Variants in RB1CC1 observed in about 807,000 individuals in gnomAD.
RB1CC1 encodes RB1-inducible coiled-coil protein 1.
In RB1CC1, 46 loss-of-function variants were observed where a neutral mutation model predicts 177.5. The observed-to-expected ratio is 0.26, with a 90% confidence interval of 0.20 to 0.33. The LOEUF (loss-of-function observed/expected upper bound fraction) is 0.33, where lower values mean the gene tolerates loss of function less well. Ranked by LOEUF, RB1CC1 falls within the 10% of genes least tolerant of loss-of-function variation. The pLI, the probability that RB1CC1 is intolerant of heterozygous loss-of-function variation, is 1.00. For synonymous variants in RB1CC1, 666 were observed against 613.6 expected (o/e 1.09, Z -1.26); for missense variants, 1,703 against 1,816.3 (o/e 0.94, Z 1.13).
At chr8:52,677,127 C>T (rs1310594418) in intron 5 of RB1CC1, among the ~76,000 whole-genome samples, 1 of 152,020 alleles carries the variant, frequency 6.6e-6, no homozygotes, top group African/African-American at 2.4e-5. Context: ...ATGTAGATTG[C>T]TTTATATATG....
At chr8:52,702,905 T>C (rs1372575715) in intron 1 of RB1CC1, among the ~76,000 whole-genome samples, 1 of 152,022 alleles carries the variant, frequency 6.6e-6, no homozygotes, top group Non-Finnish European at 1.5e-5. Flanking sequence ...GGACAGGAAG[T>C]AACTCTGTGA....
chr8:52,694,669 T>C (rs914073245), intron 1 of RB1CC1, among the ~76,000 whole-genome samples: 1 of 152,160 alleles, frequency 6.6e-6, no homozygotes, highest in African/African-American at 2.4e-5. Flanking sequence ...AGGCATCTAC[T>C]AGTGAAGGAC....
In RB1CC1 at chr8:52,642,564, C is replaced by T. The variant is rs1391780354; in HGVS notation, c.4124G>A (p.Arg1375Gln). 1.2e-6 allele frequency: 2 copies of T among 1,613,778 alleles called. No homozygotes were observed. The highest frequency in any genetic ancestry group is 3.3e-5 in the Admixed American group (2 of 59,998). The change falls in exon 18 of 24, where the codon CGA (arginine) becomes CAA (glutamine). Residue 1375 changes from arginine (R) to glutamine (Q), a missense_variant. By Grantham distance (43) the Arg-to-Gln change is conservative. Transcript: ENST00000025008. ...KDLIESLSED[R>Q]ARLLEEKKKL... ...TTTCTTTTCCTCAAGCAAACGAGCT[C>T]GATCTTCAGAAAGTGACTCTATCAA...
At chr8:52,688,619 TTTGTC>T (rs760009636) in intron 1 of RB1CC1, among the ~76,000 whole-genome samples, 1 of 152,194 alleles carries the variant, frequency 6.6e-6, no homozygotes, top group Non-Finnish European at 1.5e-5. Context: ...TAGTTCTGCT[TTTGTC>T]TTTTGTCCTG....
At chr8:52,645,190 A>G (rs896559738) in intron 16 of RB1CC1, among the ~76,000 whole-genome samples, 1 of 152,190 alleles carries the variant, frequency 6.6e-6, no homozygotes, top group Non-Finnish European at 1.5e-5. Context: ...TTCCATCTTA[A>G]TCTACCACCA....
chr8:52,630,352 G>A, intron 21 of RB1CC1, 118 bp downstream of exon 21: 1 of 1,260,876 alleles, frequency 7.9e-7, no homozygotes, highest in Non-Finnish European at 1.1e-6. Context: ...CTACTACTGA[G>A]TGCAAAACAC....
intron 15 of RB1CC1, among the ~76,000 whole-genome samples, chr8:52,647,144 T>C (rs970409854): frequency 4.6e-5 from 7 of 152,220 alleles, no homozygotes; most frequent in East Asian, 1.9e-4. Context: ...CAAAAAATTA[T>C]TGGAATCCTT....
intron 3 of RB1CC1, among the ~76,000 whole-genome samples, chr8:52,684,650 CCTT>C (rs1175071444): frequency 1.3e-5 from 2 of 152,086 alleles, no homozygotes; most frequent in African/African-American, 2.4e-5. Flanking sequence ...TCTTTTCTCT[CCTT>C]AACAAACAAA....
chr8:52,696,695 C>T (rs77545237), intron 1 of RB1CC1, among the ~76,000 whole-genome samples: 4,459 of 152,234 alleles, frequency 0.029, 245 homozygotes, highest in African/African-American at 0.1. Flanking sequence ...AAGCACTGTC[C>T]TTCCTATATG....
At chr8:52,641,341 G>A (rs931073701) in intron 18 of RB1CC1, among the ~76,000 whole-genome samples, 22 of 135,354 alleles carry the variant, frequency 1.6e-4, no homozygotes, top group African/African-American at 6.2e-4. Flanking sequence ...CCGAGATTGT[G>A]CCATCACACT....
intron 2 of RB1CC1, among the ~76,000 whole-genome samples, chr8:52,685,743 G>A (rs1854220817): frequency 6.6e-6 from 1 of 152,032 alleles, no homozygotes; most frequent in Admixed American, 6.6e-5. Flanking sequence ...TAACTGTTCT[G>A]CCACAGGAAA....
chr8:52,647,526 A>G (rs1050611833), intron 15 of RB1CC1, among the ~76,000 whole-genome samples: 3 of 152,216 alleles, frequency 2.0e-5, no homozygotes, highest in African/African-American at 4.8e-5. Context: ...GAACACAAAG[A>G]GACTTACAAA....
At position 52,668,143 on chromosome 8, in the gene RB1CC1, T is replaced by C. The variant is rs35228276; in HGVS notation, c.1051A>G (p.Ile351Val). 227 of 1,614,056 alleles carry C rather than the reference T, an allele frequency of 1.4e-4. No homozygotes were observed. The African/African-American group carries it at 2.1e-3, about 15-fold the overall frequency. The stretch of plus-strand genomic sequence containing the variant: ...ATATTCTGATTATCAAGTTTGGCAA[T>C]AGTTTGACGGCATTCTGCTATAAAT... The part of the protein sequence containing the change: ...RPFIAECRQT[I>V]AKLDNQNMKA... Residue 351 changes from isoleucine to valine, a missense_variant, in exon 8 of 24, where the codon ATT (isoleucine) becomes GTT (valine). Ile to Val is a conservative substitution (Grantham distance 29). This residue lies in a region of RB1CC1 where 315 missense variants were observed against 304.9 expected (regional missense o/e 1.03). Coordinates refer to ENST00000025008, the MANE Select transcript of RB1CC1 (RefSeq NM_014781.5).
intron 1 of RB1CC1, among the ~76,000 whole-genome samples, chr8:52,693,716 T>A (rs998852725): frequency 2.0e-5 from 3 of 152,032 alleles, no homozygotes; most frequent in Non-Finnish European, 4.4e-5. Flanking sequence ...ATCCTGTTAC[T>A]GATGAGAACA....
chr8:52,711,263 T>C (rs577232981), intron 1 of RB1CC1, among the ~76,000 whole-genome samples: 40 of 152,276 alleles, frequency 2.6e-4, no homozygotes, highest in African/African-American at 9.4e-4. Flanking sequence ...ACCGGAACTT[T>C]ACAAAGGGAT....
At chr8:52,642,837 A>G in intron 16 of RB1CC1, 25 bp from the exon 17 acceptor site, 1 of 1,500,828 alleles carries the variant, frequency 6.7e-7, no homozygotes, top group East Asian at 2.3e-5. Context: ...TAATTATTTA[A>G]ATTTATCTAC....
intron 21 of RB1CC1, 34 bp from the exon 22 acceptor site, chr8:52,628,202 G>A (rs1848529090): frequency 3.1e-6 from 5 of 1,589,060 alleles, no homozygotes; most frequent in Non-Finnish European, 4.3e-6. Flanking sequence ...TTGACTTAGA[G>A]TTACTTTCAA....
chr8:52,693,043 A>T (rs1855046234), intron 1 of RB1CC1, among the ~76,000 whole-genome samples: 2 of 152,206 alleles, frequency 1.3e-5, no homozygotes, highest in South Asian at 4.1e-4. Context: ...CTATTTAATA[A>T]ACGGTGCTTG....
chr8:52,695,209 AAAG>A (rs1279347179), intron 1 of RB1CC1, among the ~76,000 whole-genome samples: 1 of 152,252 alleles, frequency 6.6e-6, no homozygotes, highest in Admixed American at 6.5e-5. Flanking sequence ...TAAAATGTAT[AAAG>A]AAGTAAAAAG....
Sources: allele counts gnomAD v4.1 joint callset (sites outside exome capture counted in the v4.1 genomes callset), GRCh38; gene constraint gnomAD v4.1.1; regional missense constraint gnomAD v4.1.1; transcripts MANE v1.5; gene names NCBI Gene and HGNC (gene_info 2026-07-23, HGNC 2026-07-21).